SYTL5: variants seen among roughly 807,000 people sequenced by gnomAD.
SYTL5 encodes the protein synaptotagmin like 5, also known as synaptotagmin-like protein 5.
A neutral mutation model predicts 55.9 loss-of-function variants in SYTL5; 34 were observed. The observed-to-expected ratio is 0.61, with a 90% CI of 0.46 to 0.81. The LOEUF (loss-of-function observed/expected upper bound fraction) is 0.81, where lower values mean the gene tolerates loss of function less well. Among genes scored for constraint, SYTL5 ranks in the 30% least tolerant of loss-of-function variants. The pLI is 0.00. For missense variants in SYTL5, 637 were observed against 546.7 expected (o/e 1.17, Z -1.65); for synonymous variants, 221 against 188.7 (o/e 1.17, Z -1.40).
At chrX:37,905,601 T>TG in the SYTL5 span, among the ~76,000 whole-genome samples, 1 of 108,258 alleles carries the variant, frequency 9.2e-6, no homozygotes, top group Non-Finnish European at 1.9e-5. Flanking sequence ...ATGGCGGGGG[T>TG]GGGGTCTTTG....
intron 3 of SYTL5, among the ~76,000 whole-genome samples, chrX:38,069,247 C>G (rs1272688880): frequency 8.9e-6 from 1 of 112,419 alleles, no homozygotes; most frequent in East Asian, 2.8e-4. Flanking sequence ...TTAACTATTA[C>G]TACAGCTTAG....
chrX:38,066,988 T>C (rs1936116050), intron 3 of SYTL5, among the ~76,000 whole-genome samples: 1 of 111,801 alleles, frequency 8.9e-6, no homozygotes, highest in African/African-American at 3.3e-5. Context: ...ACTTGGTGAC[T>C]GACATGCACT....
At chrX:38,036,556 C>T (rs1228297571) in intron 2 of SYTL5, among the ~76,000 whole-genome samples, 2 of 111,604 alleles carry the variant, frequency 1.8e-5, no homozygotes, top group East Asian at 2.8e-4. Flanking sequence ...TCTAAAGCTA[C>T]GTCTTGTCTC....
At chrX:38,103,904 C>A (rs1937143185) in intron 10 of SYTL5, among the ~76,000 whole-genome samples, 1 of 111,153 alleles carries the variant, frequency 9.0e-6, no homozygotes, top group African/African-American at 3.3e-5. Context: ...AACTTACTAG[C>A]CATTTGTAAA....
At chrX:38,104,541 G>T (rs1937159353) in intron 10 of SYTL5, among the ~76,000 whole-genome samples, 1 of 111,841 alleles carries the variant, frequency 8.9e-6, no homozygotes, top group African/African-American at 3.3e-5. Flanking sequence ...TGGAATTATT[G>T]GTCTGCTCTT....
chrX:37,967,176 C>G, the SYTL5 span, among the ~76,000 whole-genome samples: 2 of 111,248 alleles, frequency 1.8e-5, no homozygotes, highest in African/African-American at 3.3e-5. Flanking sequence ...CTCAGCTTCC[C>G]AAGTAGCTGG....
chrX:37,997,455 C>T, the SYTL5 span, among the ~76,000 whole-genome samples: 2 of 112,365 alleles, frequency 1.8e-5, no homozygotes, highest in Non-Finnish European at 3.8e-5. Context: ...GTCTGCTCCC[C>T]CTGCTTGGCT....
chrX:38,124,961 G>C (rs1569196086), intron 15 of SYTL5, among the ~76,000 whole-genome samples: 1 of 111,775 alleles, frequency 8.9e-6, no homozygotes, highest in East Asian at 2.8e-4. Flanking sequence ...ACTTGAGGTG[G>C]GAAGCTGAAA....
chrX:38,082,446 A>G (rs1936557005), intron 6 of SYTL5, among the ~76,000 whole-genome samples: 1 of 112,078 alleles, frequency 8.9e-6, no homozygotes, highest in South Asian at 3.7e-4. Context: ...TATGCATTCT[A>G]TTCATACAAA....
chrX:38,113,022 T>G (rs1323064590), intron 13 of SYTL5, among the ~76,000 whole-genome samples: 1 of 112,373 alleles, frequency 8.9e-6, no homozygotes, highest in East Asian at 2.8e-4. Flanking sequence ...GGTGCCTTAT[T>G]GCTTATTGAC....
chrX:38,126,756 C>A lies in SYTL5; in HGVS notation c.*26C>A. On this transcript the variant is annotated 3_prime_UTR_variant, in exon 17 of 17. Transcript: ENST00000297875. ...AGGGACCAGTTCTCCAAGAATGAGG[C>A]CACCAGGACCTATCTGGCTGTCTTT... The A allele has an allele frequency of 8.4e-7, 1 of 1,183,652 alleles. No homozygotes were observed. Among genetic ancestry groups the A allele is most frequent in the Non-Finnish European group, 1.1e-6 (1 of 879,763 alleles).
chrX:38,048,527 C>CAA (rs201459563), intron 2 of SYTL5, among the ~76,000 whole-genome samples: 63 of 67,098 alleles, frequency 9.4e-4, no homozygotes, highest in Middle Eastern at 8.9e-3. Context: ...GGGCAATTTA[C>CAA]AAAAAAAAAA....
chrX:37,955,942 C>A, the SYTL5 span, among the ~76,000 whole-genome samples: 56 of 111,677 alleles, frequency 5.0e-4, no homozygotes, highest in African/African-American at 1.7e-3. Context: ...CCATGGTGGA[C>A]CAAGTTGAAA....
the SYTL5 span, among the ~76,000 whole-genome samples, chrX:37,987,464 A>G: frequency 2.7e-5 from 3 of 112,494 alleles, no homozygotes; most frequent in Admixed American, 1.9e-4. Flanking sequence ...TTGTTTTAAC[A>G]TCTGTCTTTC....
At chrX:38,032,525 C>T (rs1390623529) in intron 1 of SYTL5, among the ~76,000 whole-genome samples, 1 of 111,315 alleles carries the variant, frequency 9.0e-6, no homozygotes, top group East Asian at 2.8e-4. Context: ...AAACATTACC[C>T]AATGCATTGA....
chrX:37,979,233 G>T, the SYTL5 span, among the ~76,000 whole-genome samples: 3 of 110,189 alleles, frequency 2.7e-5, no homozygotes, highest in African/African-American at 9.9e-5. Context: ...AAGTGGGCGG[G>T]AGGGGAAAGA....
the SYTL5 span, among the ~76,000 whole-genome samples, chrX:37,898,455 T>A: frequency 1.8e-5 from 2 of 112,164 alleles, no homozygotes; most frequent in Non-Finnish European, 3.8e-5. Flanking sequence ...TTGAACTTGT[T>A]TTTTGAGTCT....
intron 1 of SYTL5, among the ~76,000 whole-genome samples, chrX:38,029,253 C>G (rs1035032394): frequency 8.9e-6 from 1 of 112,041 alleles, no homozygotes; most frequent in Non-Finnish European, 1.9e-5. Flanking sequence ...CCAACTCACT[C>G]AAACCTTCAA....
chrX:37,890,675 A>G, the SYTL5 span, among the ~76,000 whole-genome samples: 10 of 112,260 alleles, frequency 8.9e-5, no homozygotes, highest in Non-Finnish European at 1.5e-4. Flanking sequence ...TATGTTTTGC[A>G]TTTGTGTTTT....
Sources: gnomAD v4.1 joint callset for allele counts (sites outside exome capture counted in the v4.1 genomes callset) on GRCh38, gnomAD v4.1.1 for gene constraint, MANE v1.5 for transcripts, NCBI Gene and HGNC (gene_info 2026-07-23, HGNC 2026-07-21) for gene names.